UTRN: variants seen among roughly 807,000 people sequenced by gnomAD.
UTRN encodes the protein dystrophin-related protein 1.
In UTRN, 283 loss-of-function variants were observed where a neutral mutation model predicts 463.9. The ratio of observed to expected loss-of-function variants is 0.61; its 90% CI spans 0.55 to 0.67. The LOEUF (loss-of-function observed/expected upper bound fraction) is 0.67, where lower values mean the gene tolerates loss of function less well. Ranked by LOEUF, UTRN falls within the 30% of genes least tolerant of loss-of-function variation. The probability of loss-of-function intolerance (pLI) is 0.00; values close to 1 mark genes in which losing one functional copy is unlikely to be tolerated. For synonymous variants in UTRN, 1,442 were observed against 1,431.5 expected, an observed-to-expected ratio of 1.01 and a Z score of -0.17; for missense variants, 3,922 against 4,084.3, an observed-to-expected ratio of 0.96 and a Z score of 1.08.
chr6:144,493,333 T>C lies in UTRN; in HGVS notation c.4470T>C (p.Leu1490=). The C allele has an allele frequency of 6.2e-7, 1 of 1,614,150 alleles. No individual in the cohort carries two copies. The highest frequency in any genetic ancestry group is 8.5e-7 in the Non-Finnish European group (1 of 1,179,996). ...ATAAAACTTTGAGTGAAGTCAAACT[T>C]GAAGTGGAAACTGTGATTAAAACAG... is the stretch of plus-strand genomic sequence containing the variant. ...KLYKTLSEVK[L]EVETVIKTGR... Residue 1490 remains leucine, a synonymous_variant, in exon 33 of 75, where the codon CTT becomes CTC. Coordinates refer to ENST00000367545, the MANE Select transcript of UTRN (RefSeq NM_007124.3).
At position 144,470,627 on chromosome 6, in the gene UTRN, C is replaced by T. The variant is rs530232083; in HGVS notation, c.3067-3093C>T. On this transcript the variant is annotated intron_variant, in intron 23 of 74. Transcript: ENST00000367545. ...GCTCCTCACTTCTTAGACGGGGTGG[C>T]GGCCGGGCAGAGGCTGCAATCTCGG... Among the ~76,000 whole-genome samples, 36 of 152,136 alleles carry T rather than the reference C, an allele frequency of 2.4e-4. No individual in the cohort carries two copies. In the South Asian group the frequency reaches 6.0e-3, roughly 25 times the overall value.
chr6:144,814,016 A>G (rs185260906), intron 65 of UTRN, among the ~76,000 whole-genome samples: 1 of 152,180 alleles, frequency 6.6e-6, no homozygotes, highest in Non-Finnish European at 1.5e-5. Context: ...AACTGTTCCT[A>G]CGTGCTGGTA....
chr6:144,623,777 G>C (rs1775675728), intron 51 of UTRN, among the ~76,000 whole-genome samples: 2 of 152,100 alleles, frequency 1.3e-5, no homozygotes, highest in Non-Finnish European at 1.5e-5. Context: ...TTCAACAACA[G>C]GTTCTATAGC....
At chr6:144,582,153 T>A (rs976379864) in intron 51 of UTRN, among the ~76,000 whole-genome samples, 6 of 152,168 alleles carry the variant, frequency 3.9e-5, no homozygotes, top group African/African-American at 1.4e-4. Context: ...AATATAGGAC[T>A]TTAAATCGTT....
chr6:144,797,853 A>C lies in UTRN; in HGVS notation c.9108A>C (p.Lys3036Asn). Residue 3036 changes from lysine to asparagine, a missense_variant, in exon 64 of 75, where the codon AAA (lysine) becomes AAC (asparagine). Physicochemically the swap from Lys to Asn is moderately conservative, Grantham distance 94. Coordinates refer to ENST00000367545, the MANE Select transcript of UTRN (RefSeq NM_007124.3). ...QNNNKPEISV[K>N]EFIDWMHLEP... The stretch of plus-strand genomic sequence containing the variant: ...ACAATAAACCAGAAATAAGTGTGAA[A>C]GAGTTTATAGATTGGATGCATTTGG... 6.2e-7 allele frequency: 1 copy of C among 1,614,052 alleles called. No homozygotes were observed. Among genetic ancestry groups the C allele is most frequent in the African/African-American group, 1.3e-5 (1 of 75,052 alleles).
intron 53 of UTRN, among the ~76,000 whole-genome samples, chr6:144,709,939 A>G (rs1198127451): frequency 6.6e-6 from 1 of 152,326 alleles, no homozygotes; most frequent in Non-Finnish European, 1.5e-5. Flanking sequence ...AGTGGTGCCA[A>G]TCATTTCATT....
At chr6:144,733,507 C>CAA (rs66466161) in intron 54 of UTRN, among the ~76,000 whole-genome samples, 24 of 105,414 alleles carry the variant, frequency 2.3e-4, no homozygotes, top group Non-Finnish European at 3.3e-4. Context: ...AACTCCATCT[C>CAA]AAAAAAAAAA....
At chr6:144,814,500 C>T (rs533806526) in intron 65 of UTRN, among the ~76,000 whole-genome samples, 1 of 152,300 alleles carries the variant, frequency 6.6e-6, no homozygotes, top group Non-Finnish European at 1.5e-5. Context: ...GTTAGAAAAG[C>T]TCTCCTCAAC....
chr6:144,784,977 G>GA (rs1482411575), intron 61 of UTRN, among the ~76,000 whole-genome samples: 1 of 152,158 alleles, frequency 6.6e-6, no homozygotes, highest in Admixed American at 6.5e-5. Flanking sequence ...TTAATCTATG[G>GA]AAAAAACAGT....
At chr6:144,297,539 G>T (rs544943442) in intron 2 of UTRN, among the ~76,000 whole-genome samples, 7 of 152,244 alleles carry the variant, frequency 4.6e-5, no homozygotes, top group African/African-American at 1.7e-4. Context: ...ACAGCTCAAG[G>T]GACTGTGAAA....
Position 144,397,022 on chromosome 6 carries a change from G to A in UTRN, c.80-6101G>A, listed in dbSNP as rs13208958. ...GCACTTTGAGAGGCCAAGGTGGGTG[G>A]ATCACGAGGTCAGGAGTTCGAGACA... is the stretch of plus-strand genomic sequence containing the variant. On this transcript the variant is annotated intron_variant, in intron 2 of 74. Transcript: ENST00000367545. Among the ~76,000 whole-genome samples the A allele has an allele frequency of 4.7e-3, 720 of 152,210 alleles. 2 individuals are homozygous for A. The highest frequency in any genetic ancestry group is 7.2e-3 in the Non-Finnish European group (490 of 68,010).
At chr6:144,608,471 G>T (rs1392580049) in intron 51 of UTRN, among the ~76,000 whole-genome samples, 1 of 152,178 alleles carries the variant, frequency 6.6e-6, no homozygotes, top group African/African-American at 2.4e-5. Flanking sequence ...GAATACCATT[G>T]TGAATAACCC....
chr6:144,827,446 G>A, intron 67 of UTRN, 60 bp downstream of exon 67: 1 of 1,609,286 alleles, frequency 6.2e-7, no homozygotes, highest in Non-Finnish European at 8.5e-7. Flanking sequence ...TAGCATGGGG[G>A]TCTTACTAAA....
rs1779723310 is a variant in UTRN at position 144,660,174 on chromosome 6, TGTCTGAAGGAA to T, written c.7480-18229_7480-18219del. 56 of 470,494 alleles carry T rather than the reference TGTCTGAAGGAA, an allele frequency of 1.2e-4. 1 individual carries two copies. Among genetic ancestry groups the T allele is most frequent in the South Asian group, 8.4e-4 (54 of 64,544 alleles). 29.1% of individuals were successfully genotyped at this position (470,494 alleles called of 1,614,324 possible). A position where few individuals can be genotyped will look rare whatever the true frequency, so the allele number is the denominator to read the frequency against. Reference sequence around the variant, plus strand: ...ACGGTGTTTAGAAGTTAAACGCTGTTGTCTGAAGGAAGTTTGCCGGAAAGATGTAGGCTTCA... The same window carrying T: ...ACGGTGTTTAGAAGTTAAACGCTGTTGTTTGCCGGAAAGATGTAGGCTTCA... On this transcript the variant is annotated intron_variant, in intron 51 of 74. Transcript: ENST00000367545.
chr6:144,375,353 G>T (rs1780360059), intron 2 of UTRN, among the ~76,000 whole-genome samples: 1 of 152,184 alleles, frequency 6.6e-6, no homozygotes, highest in South Asian at 2.1e-4. Context: ...TAATAACTCA[G>T]CGTTTATAAG....
At chr6:144,319,230 C>G (rs2114577950) in intron 2 of UTRN, among the ~76,000 whole-genome samples, 1 of 151,660 alleles carries the variant, frequency 6.6e-6, no homozygotes. Flanking sequence ...CCAGGGTAGT[C>G]TGTCTGCCAA....
At chr6:144,497,102 A>G (rs1585019416) in intron 33 of UTRN, among the ~76,000 whole-genome samples, 3 of 152,308 alleles carry the variant, frequency 2.0e-5, no homozygotes, top group East Asian at 3.9e-4. Flanking sequence ...ACATACTCAG[A>G]TATGTCTTTT....
intron 66 of UTRN, among the ~76,000 whole-genome samples, chr6:144,824,610 A>ATATATATC (rs1562955112): frequency 2.1e-4 from 9 of 43,614 alleles, no homozygotes; most frequent in Non-Finnish European, 2.6e-4. Flanking sequence ...ATATATATAT[A>ATATATATC]TATCTTTTTT....
At chr6:144,621,855 A>G (rs1775413599) in intron 51 of UTRN, among the ~76,000 whole-genome samples, 1 of 152,002 alleles carries the variant, frequency 6.6e-6, no homozygotes. Context: ...TATTCTTCCT[A>G]CGCCTTCTCT....
Sources: allele counts gnomAD v4.1 joint callset (sites outside exome capture counted in the v4.1 genomes callset), GRCh38; gene constraint gnomAD v4.1.1; transcripts MANE v1.5; gene names NCBI Gene and HGNC (gene_info 2026-07-23, HGNC 2026-07-21).